The following CALU variants were observed in gnomAD, a reference collection of about 807,000 sequenced individuals.
CALU encodes IEF SSP 9302.
Under a neutral mutation model 37.5 loss-of-function variants are expected in CALU, and 13 were observed. The ratio of observed to expected loss-of-function variants is 0.35; its 90% CI spans 0.23 to 0.55. The LOEUF (loss-of-function observed/expected upper bound fraction) is 0.55. Ranked by LOEUF, CALU falls within the 20% of genes least tolerant of loss-of-function variation. The pLI is 0.89. For synonymous variants in CALU, 114 were observed against 133.8 expected, an observed-to-expected ratio of 0.85 and a Z score of 1.02; for missense variants, 282 against 391.7, an observed-to-expected ratio of 0.72 and a Z score of 2.36.
chr7:128,754,250 C>A lies in CALU; in HGVS notation c.222-12C>A. 6.3e-7 allele frequency: 1 copy of A among 1,596,868 alleles called. No individual in the cohort carries two copies. The highest frequency in any genetic ancestry group is 8.5e-7 in the Non-Finnish European group (1 of 1,170,194). ...TTTAACCTTTTGCTGGATTTCTCTG[C>A]ATTTTCTACAGAAAGATTGTAAGTA... On this transcript the variant is annotated splice_polypyrimidine_tract_variant and intron_variant, in intron 2 of 6. Transcript: ENST00000249364.
chr7:128,759,135 ATATATGCTATATAGCATATCACTG>A (rs1259971282), intron 4 of CALU, 98 bp downstream of exon 4: 11 of 807,388 alleles, frequency 1.4e-5, no homozygotes, highest in East Asian at 5.2e-5. Flanking sequence ...TCTTATATAT[ATATATGCTATATAGCATATCACTG>A]TATATGCTAT....
Position 128,746,762 on chromosome 7 carries a change from C to CTTTTT in CALU, c.-11-1791_-11-1787dup, listed in dbSNP as rs71162530. ...CCACCACCCCCGGCCTCATGTCATT[C>CTTTTT]TTTTTTTTTTTTTTTTTTTTTTTTG... On this transcript the variant is annotated intron_variant, in intron 1 of 6. Coordinates refer to ENST00000249364, the MANE Select transcript of CALU (RefSeq NM_001219.5). 5.2e-3 allele frequency among the ~76,000 whole-genome samples: 642 copies of CTTTTT among 122,378 alleles called. 11 individuals are homozygous for CTTTTT. The highest frequency in any genetic ancestry group is 7.4e-3 in the Non-Finnish European group (450 of 60,488). 80.3% of individuals were successfully genotyped at this position (122,378 alleles called of 152,430 possible).
chr7:128,757,726 G>A (rs184322772), intron 3 of CALU, among the ~76,000 whole-genome samples: 140 of 151,982 alleles, frequency 9.2e-4, no homozygotes, highest in African/African-American at 3.2e-3. Context: ...TCTTAATTTG[G>A]TTTATACAGG....
At chr7:128,764,418 C>T (rs371982624) in intron 5 of CALU, among the ~76,000 whole-genome samples, 13 of 76,906 alleles carry the variant, frequency 1.7e-4, no homozygotes, top group African/African-American at 3.7e-4. Flanking sequence ...AGAGCAAGAC[C>T]CTGTCTCAGA....
intron 3 of CALU, chr7:128,754,723 G>A (rs1447352375): frequency 6.5e-7 from 1 of 1,545,484 alleles, no homozygotes; most frequent in Non-Finnish European, 8.7e-7. Context: ...ACTTACCTGG[G>A]TAAGGGGCAA....
chr7:128,768,847 C>CATAAAAAAAAAAAAAAAAA (rs1801433499), intron 6 of CALU, among the ~76,000 whole-genome samples: 1 of 55,164 alleles, frequency 1.8e-5, no homozygotes. Context: ...AACTCCGTCT[C>CATAAAAAAAAAAAAAAAAA]AAAAAAAAAA....
At position 128,769,067 on chromosome 7, in the gene CALU, G is replaced by A. The variant is rs370095256; in HGVS notation, c.848G>A (p.Gly283Asp). The change falls in exon 7 of 7, where the codon GGC (glycine) becomes GAC (aspartate). Residue 283 changes from glycine to aspartate, a missense_variant. Physicochemically the swap from Gly to Asp is moderately conservative, Grantham distance 94. Transcript: ENST00000249364. ...CATTGCTATCTCTACTTTCAGGATG[G>A]CAAGCTTACCAAGGAGGAGATCGTT... ...LVYESDQNKD[G>D]KLTKEEIVDK... 12 of 1,598,912 alleles carry A rather than the reference G, an allele frequency of 7.5e-6. No individual in the cohort carries two copies. Among genetic ancestry groups the A allele is most frequent in the African/African-American group, 1.3e-5 (1 of 74,548 alleles).
intron 2 of CALU, among the ~76,000 whole-genome samples, chr7:128,750,592 AT>A (rs907814345): frequency 4.9e-4 from 75 of 152,338 alleles, no homozygotes; most frequent in African/African-American, 1.7e-3. Context: ...CTTCTCCCAA[AT>A]TTTGTTGGTA....
chr7:128,769,463 G>A lies in CALU; in HGVS notation c.*296G>A, dbSNP rs1320215660. ...CTCTGGTTGGGAGTATGATATGAAG[G>A]ATCAAGATCCTCAACTCACACATGT... On this transcript the variant is annotated 3_prime_UTR_variant, in exon 7 of 7. Transcript: ENST00000249364. 1 of 191,682 alleles carries A rather than the reference G, an allele frequency of 5.2e-6. No homozygotes were observed. Among genetic ancestry groups the A allele is most frequent in the East Asian group, 1.3e-4 (1 of 7,840 alleles). 11.9% of individuals were successfully genotyped at this position (191,682 alleles called of 1,614,324 possible).
intron 1 of CALU, among the ~76,000 whole-genome samples, chr7:128,746,653 T>C (rs1800452156): frequency 6.6e-6 from 1 of 152,004 alleles, no homozygotes. Context: ...AGTGTTTCGC[T>C]ATCACCCAGG....
intron 1 of CALU, among the ~76,000 whole-genome samples, chr7:128,747,225 A>G (rs1800482012): frequency 6.6e-6 from 1 of 152,090 alleles, no homozygotes; most frequent in Admixed American, 6.5e-5. Flanking sequence ...GGGTATTTTG[A>G]TGGGATTGAA....
intron 1 of CALU, among the ~76,000 whole-genome samples, chr7:128,743,560 C>T (rs1800319256): frequency 6.6e-6 from 1 of 151,272 alleles, no homozygotes. Context: ...CTTGTTCCCT[C>T]ACCAAGGCTG....
chr7:128,753,309 C>T (rs1010374750), intron 2 of CALU, among the ~76,000 whole-genome samples: 1 of 152,234 alleles, frequency 6.6e-6, no homozygotes, highest in Admixed American at 6.5e-5. Flanking sequence ...TTGACTTCAA[C>T]TTCATATTCC....
At chr7:128,745,037 A>T (rs1800377317) in intron 1 of CALU, among the ~76,000 whole-genome samples, 1 of 152,216 alleles carries the variant, frequency 6.6e-6, no homozygotes, top group South Asian at 2.1e-4. Context: ...CCTTTCCAGG[A>T]CCAGATTATG....
intron 1 of CALU, among the ~76,000 whole-genome samples, chr7:128,741,699 A>C (rs941777178): frequency 6.6e-6 from 1 of 152,210 alleles, no homozygotes; most frequent in African/African-American, 2.4e-5. Context: ...CCAAATTCTC[A>C]ACAGTGTCAC....
Position 128,748,815 on chromosome 7 carries a change from A to G in CALU, c.221+11A>G, listed in dbSNP as rs552027037. On this transcript the variant is annotated intron_variant, in intron 2 of 6. Transcript: ENST00000249364. ...CAAGGAAAGGCTTGGGTAAGGTACCACCTCTCAGGGGTCTAGTGTGGGTAA... is the reference window on the plus strand; with the variant it reads ...CAAGGAAAGGCTTGGGTAAGGTACCGCCTCTCAGGGGTCTAGTGTGGGTAA... The G allele has an allele frequency of 6.4e-6, 10 of 1,571,674 alleles. No individual in the cohort carries two copies. The African/African-American group carries it at 1.2e-4, about 19-fold the overall frequency.
Position 128,769,244 on chromosome 7 carries a change from A to G in CALU, c.*77A>G, listed in dbSNP as rs750840024. The G allele has an allele frequency of 5.3e-6, 4 of 756,368 alleles. No homozygotes were observed. The highest frequency in any genetic ancestry group is 6.6e-6 in the Non-Finnish European group (3 of 453,054). 46.9% of individuals were successfully genotyped at this position (756,368 alleles called of 1,614,324 possible). ...GGTTTCACATGAAATTGTTTGCGCTACTGAGACTGTTACTACAAACTTTTT... is the reference window on the plus strand; with the variant it reads ...GGTTTCACATGAAATTGTTTGCGCTGCTGAGACTGTTACTACAAACTTTTT... On this transcript the variant is annotated 3_prime_UTR_variant, in exon 7 of 7. Transcript: ENST00000249364.
chr7:128,754,340 A>C lies in CALU; in HGVS notation c.300A>C (p.Ala100=). The C allele has an allele frequency of 6.2e-7, 1 of 1,614,152 alleles. No homozygotes were observed. Among genetic ancestry groups the C allele is most frequent in the Non-Finnish European group, 8.5e-7 (1 of 1,179,996 alleles). ...VDELKDWIKF[A]QKRWIYEDVE... ...AGCTCAAAGACTGGATTAAATTTGC[A>C]CAAAAGCGCTGGATTTACGAGGATG... The change falls in exon 3 of 7, where the codon GCA becomes GCC. Residue 100 remains alanine, a synonymous_variant. Coordinates refer to ENST00000249364, the MANE Select transcript of CALU (RefSeq NM_001219.5).
chr7:128,766,425 CTTTT>C (rs11288081), intron 5 of CALU, among the ~76,000 whole-genome samples: 64 of 94,932 alleles, frequency 6.7e-4, no homozygotes, highest in South Asian at 2.0e-3. Flanking sequence ...ATTTCTTTTT[CTTTT>C]TTTTTTTTTT....
Sources: gnomAD v4.1 joint callset for allele counts (sites outside exome capture counted in the v4.1 genomes callset) on GRCh38, gnomAD v4.1.1 for gene constraint, MANE v1.5 for transcripts, NCBI Gene and HGNC (gene_info 2026-07-23, HGNC 2026-07-21) for gene names.